LINGO2: variants seen among roughly 807,000 people sequenced by gnomAD.
The protein encoded by LINGO2 is leucine rich repeat and Ig domain containing 2.
LINGO2 carries 14 observed loss-of-function variants against 30.6 expected under a neutral mutation model. The observed-to-expected ratio is 0.46, with a 90% CI of 0.30 to 0.72. The LOEUF (loss-of-function observed/expected upper bound fraction) is 0.72, where lower values mean the gene tolerates loss of function less well. LINGO2 is among the 30% of genes least tolerant of loss of function. LINGO2 has a pLI of 0.07. For synonymous variants in LINGO2, 317 were observed against 288.5 expected, an observed-to-expected ratio of 1.10 and a Z score of -1.00; for missense variants, 729 against 751.7, an observed-to-expected ratio of 0.97 and a Z score of 0.35.
intron 3 of LINGO2, among the ~76,000 whole-genome samples, chr9:28,315,979 C>G (rs894314256): frequency 6.6e-6 from 1 of 152,174 alleles, no homozygotes; most frequent in African/African-American, 2.4e-5. Context: ...CCAATTATCA[C>G]TTACCTATGT....
intron 2 of LINGO2, among the ~76,000 whole-genome samples, chr9:28,443,232 T>C (rs1019362105): frequency 2.2e-4 from 34 of 152,204 alleles, no homozygotes; most frequent in African/African-American, 8.0e-4. Flanking sequence ...ACAATAACAA[T>C]AATAAAAGCT....
At chr9:28,131,222 G>C (rs1827370262) in intron 4 of LINGO2, among the ~76,000 whole-genome samples, 1 of 151,326 alleles carries the variant, frequency 6.6e-6, no homozygotes, top group Non-Finnish European at 1.5e-5. Flanking sequence ...ACGACTTTTG[G>C]AGCAGTGTTA....
At chr9:28,297,879 T>C (rs1823983131) in intron 3 of LINGO2, among the ~76,000 whole-genome samples, 1 of 152,236 alleles carries the variant, frequency 6.6e-6, no homozygotes. Context: ...CTGTGTGCTC[T>C]GCATCACATC....
chr9:28,778,144 G>C, the LINGO2 span, among the ~76,000 whole-genome samples: 1 of 152,046 alleles, frequency 6.6e-6, no homozygotes, highest in African/African-American at 2.4e-5. Context: ...TCCTACTTAA[G>C]CAAGCAGTTC....
intron 3 of LINGO2, among the ~76,000 whole-genome samples, chr9:28,347,721 G>A (rs1479102565): frequency 6.6e-6 from 1 of 152,102 alleles, no homozygotes; most frequent in African/African-American, 2.4e-5. Context: ...AATTTCTAGG[G>A]TATTACCCAG....
chr9:28,537,935 C>G (rs1821507263), intron 1 of LINGO2, among the ~76,000 whole-genome samples: 1 of 149,688 alleles, frequency 6.7e-6, no homozygotes, highest in African/African-American at 2.4e-5. Context: ...TTCCCAAATT[C>G]AAGAGAAAAA....
intron 2 of LINGO2, among the ~76,000 whole-genome samples, chr9:28,463,785 A>C (rs1825181348): frequency 6.6e-6 from 1 of 152,152 alleles, no homozygotes; most frequent in Non-Finnish European, 1.5e-5. Context: ...TTTACTGAAA[A>C]TAGGGTAAGC....
At chr9:28,319,758 T>G (rs1024603871) in intron 3 of LINGO2, among the ~76,000 whole-genome samples, 1 of 152,156 alleles carries the variant, frequency 6.6e-6, no homozygotes, top group African/African-American at 2.4e-5. Context: ...TTTTGGGTGA[T>G]AGAAATGTTT....
At chr9:28,489,884 A>G (rs6476074) in intron 1 of LINGO2, among the ~76,000 whole-genome samples, 94,398 of 133,370 alleles carry the variant, frequency 0.71, 33,511 homozygotes, top group South Asian at 0.78. Flanking sequence ...GAAACAGAGC[A>G]AGACTTTGTC....
intron 4 of LINGO2, among the ~76,000 whole-genome samples, chr9:28,051,563 T>C (rs967756048): frequency 2.6e-5 from 4 of 152,074 alleles, no homozygotes; most frequent in Non-Finnish European, 5.9e-5. Context: ...TTCCTACCTC[T>C]TAGAGGTGAT....
At chr9:28,661,267 G>GAT (rs1252502649) in intron 1 of LINGO2, among the ~76,000 whole-genome samples, 1 of 152,146 alleles carries the variant, frequency 6.6e-6, no homozygotes, top group African/African-American at 2.4e-5. Context: ...CCCATTGTAT[G>GAT]ATGAGAGATA....
At chr9:28,252,789 G>A (rs1397509344) in intron 4 of LINGO2, among the ~76,000 whole-genome samples, 2 of 152,026 alleles carry the variant, frequency 1.3e-5, no homozygotes, top group African/African-American at 4.8e-5. Context: ...GTTACACAGT[G>A]AGTAGTAATA....
At chr9:28,608,394 T>A (rs1005149766) in intron 1 of LINGO2, among the ~76,000 whole-genome samples, 7 of 151,998 alleles carry the variant, frequency 4.6e-5, no homozygotes, top group Non-Finnish European at 8.8e-5. Flanking sequence ...TTCTACACAA[T>A]CTCTACAGTC....
chr9:29,049,853 T>G, the LINGO2 span, among the ~76,000 whole-genome samples: 1 of 151,924 alleles, frequency 6.6e-6, no homozygotes, highest in Non-Finnish European at 1.5e-5. Flanking sequence ...ACAAAAAACA[T>G]AGAAAGAATA....
At chr9:29,119,577 CTTT>C in the LINGO2 span, among the ~76,000 whole-genome samples, 2,300 of 82,504 alleles carry the variant, frequency 0.028, 42 homozygotes, top group African/African-American at 0.1. Flanking sequence ...CAGTTGTCAT[CTTT>C]TTTTTTTTTT....
At chr9:28,299,851 C>T (rs1237260769) in intron 3 of LINGO2, among the ~76,000 whole-genome samples, 2 of 152,058 alleles carry the variant, frequency 1.3e-5, no homozygotes, top group African/African-American at 2.4e-5. Flanking sequence ...CTACTCAGAT[C>T]TCAATAGGGT....
the LINGO2 span, among the ~76,000 whole-genome samples, chr9:28,923,833 C>T: frequency 6.6e-6 from 1 of 152,070 alleles, no homozygotes; most frequent in East Asian, 1.9e-4. Context: ...TAGTGAGTGA[C>T]CAAATAATAT....
intron 4 of LINGO2, among the ~76,000 whole-genome samples, chr9:28,094,805 C>G (rs1029885668): frequency 6.6e-6 from 1 of 151,964 alleles, no homozygotes; most frequent in Non-Finnish European, 1.5e-5. Flanking sequence ...CCCACTCAAC[C>G]AGACCCTCAA....
At chr9:28,995,584 C>A in the LINGO2 span, among the ~76,000 whole-genome samples, 97,398 of 151,640 alleles carry the variant, frequency 0.64, 32,081 homozygotes, top group Non-Finnish European at 0.72. Context: ...TGTTTATTGC[C>A]GCACTATTCA....
Sources: allele counts gnomAD v4.1 joint callset (sites outside exome capture counted in the v4.1 genomes callset), GRCh38; gene constraint gnomAD v4.1.1; transcripts MANE v1.5; gene names NCBI Gene and HGNC (gene_info 2026-07-23, HGNC 2026-07-21).